The following NPSR1 variants were observed in gnomAD, a reference collection of about 807,000 sequenced individuals.
The protein encoded by NPSR1 is neuropeptide S receptor.
Under a neutral mutation model 46.9 loss-of-function variants are expected in NPSR1, and 48 were observed. The ratio of observed to expected loss-of-function variants is 1.02; its 90% CI spans 0.81 to 1.30. The LOEUF (loss-of-function observed/expected upper bound fraction) is 1.30. Ranked by LOEUF, NPSR1 falls within the 50% of genes most tolerant of loss-of-function variation. The pLI is 0.00. For missense variants in NPSR1, 450 were observed against 449.5 expected (o/e 1.00, Z -0.01); for synonymous variants, 176 against 168.1 (o/e 1.05, Z -0.36).
chr7:34,755,042 CA>C (rs1352555748), intron 2 of NPSR1, among the ~76,000 whole-genome samples: 2 of 152,092 alleles, frequency 1.3e-5, no homozygotes, highest in African/African-American at 4.8e-5. Context: ...ATGATTATTT[CA>C]GTGGTTTTTA....
At chr7:34,798,397 T>C (rs1169826415) in intron 3 of NPSR1, among the ~76,000 whole-genome samples, 1 of 152,012 alleles carries the variant, frequency 6.6e-6, no homozygotes, top group African/African-American at 2.4e-5. Context: ...AGGCCAGATG[T>C]GGTGGCACGC....
chr7:34,764,832 G>A (rs1786354819), intron 2 of NPSR1, among the ~76,000 whole-genome samples: 2 of 152,248 alleles, frequency 1.3e-5, no homozygotes, highest in South Asian at 4.2e-4. Flanking sequence ...TTCATGGGGA[G>A]GAGGAATTGG....
intron 3 of NPSR1, among the ~76,000 whole-genome samples, chr7:34,803,812 G>A (rs1315630880): frequency 2.0e-5 from 3 of 149,566 alleles, no homozygotes; most frequent in South Asian, 2.1e-4. Flanking sequence ...ATGAAAGAGG[G>A]GTCATCACTA....
intron 3 of NPSR1, among the ~76,000 whole-genome samples, chr7:34,784,842 C>T (rs917957897): frequency 1.3e-5 from 2 of 152,084 alleles, no homozygotes; most frequent in Non-Finnish European, 2.9e-5. Context: ...TACCATCTCA[C>T]ACCAGTTAGA....
chr7:34,847,324 A>C (rs181518414), intron 7 of NPSR1, among the ~76,000 whole-genome samples: 2 of 152,188 alleles, frequency 1.3e-5, no homozygotes, highest in Admixed American at 1.3e-4. Context: ...ATGGTGAGAA[A>C]ATGAGAGATG....
rs377675594 is a variant in NPSR1 at position 34,849,611 on chromosome 7, G to A, written c.1072G>A (p.Glu358Lys). ...CAGAATGACGTTCCGGGAGAGAACT[G>A]AGAGGCATGAGATGCAGATTCTGTC... ...DSRMTFRERT[E>K]RHEMQILSKP... The change falls in exon 9 of 9, where the codon GAG becomes AAG. Residue 358 changes from glutamate (E) to lysine (K), a missense_variant. By Grantham distance (56) the Glu-to-Lys change is moderately conservative. Coordinates refer to ENST00000360581, the MANE Select transcript of NPSR1 (RefSeq NM_207172.2). 7 of 1,614,118 alleles carry A rather than the reference G, an allele frequency of 4.3e-6. No individual in the cohort carries two copies. The highest frequency in any genetic ancestry group is 2.2e-5 in the East Asian group (1 of 44,884).
intron 2 of NPSR1, among the ~76,000 whole-genome samples, chr7:34,709,506 A>G (rs2128701274): frequency 6.6e-6 from 1 of 152,234 alleles, no homozygotes; most frequent in African/African-American, 2.4e-5. Flanking sequence ...TCTTTCTTCA[A>G]ATGTCAGTTT....
At chr7:34,683,493 T>A (rs1210340406) in intron 1 of NPSR1, among the ~76,000 whole-genome samples, 2 of 151,996 alleles carry the variant, frequency 1.3e-5, no homozygotes, top group African/African-American at 4.8e-5. Context: ...ATTCATAGCA[T>A]TCTCGCTTTT....
At chr7:34,706,418 T>C (rs887788816) in intron 2 of NPSR1, among the ~76,000 whole-genome samples, 1 of 152,190 alleles carries the variant, frequency 6.6e-6, no homozygotes, top group African/African-American at 2.4e-5. Flanking sequence ...TTAAATATCT[T>C]GGTCCTATTC....
chr7:34,739,656 C>A (rs1352545964), intron 2 of NPSR1, among the ~76,000 whole-genome samples: 2 of 152,196 alleles, frequency 1.3e-5, no homozygotes, highest in South Asian at 4.1e-4. Flanking sequence ...GAGAGCTGAG[C>A]TCTAGTGATT....
At chr7:34,678,927 G>C (rs1000818963) in intron 1 of NPSR1, among the ~76,000 whole-genome samples, 9 of 152,010 alleles carry the variant, frequency 5.9e-5, no homozygotes, top group African/African-American at 1.9e-4. Flanking sequence ...TGTTATACTA[G>C]AATATGCTAA....
intron 2 of NPSR1, among the ~76,000 whole-genome samples, chr7:34,710,201 A>AGTATT (rs1359185416): frequency 3.3e-5 from 5 of 152,208 alleles, no homozygotes; most frequent in African/African-American, 1.2e-4. Flanking sequence ...TATATTAGAA[A>AGTATT]GGCCACCTTC....
chr7:34,666,853 T>G (rs1791776972), intron 1 of NPSR1, among the ~76,000 whole-genome samples: 1 of 152,172 alleles, frequency 6.6e-6, no homozygotes, highest in African/African-American at 2.4e-5. Context: ...AATAGATTCT[T>G]ATAAAAACTG....
intron 1 of NPSR1, among the ~76,000 whole-genome samples, chr7:34,682,932 T>C (rs1177832659): frequency 6.6e-6 from 1 of 152,074 alleles, no homozygotes; most frequent in Admixed American, 6.6e-5. Context: ...GGACACGATA[T>C]ATCTGCAGAG....
At chr7:34,799,705 T>C (rs369670290) in intron 3 of NPSR1, among the ~76,000 whole-genome samples, 14 of 138,704 alleles carry the variant, frequency 1.0e-4, no homozygotes, top group African/African-American at 1.9e-4. Context: ...GGATCAAATT[T>C]ACACATAACA....
intron 2 of NPSR1, among the ~76,000 whole-genome samples, chr7:34,701,722 G>C (rs572649453): frequency 5.3e-5 from 8 of 152,136 alleles, no homozygotes; most frequent in Non-Finnish European, 1.0e-4. Context: ...ACTAAATTCA[G>C]AGACATTATA....
chr7:34,837,737 C>T (rs1790422965), intron 6 of NPSR1, among the ~76,000 whole-genome samples: 1 of 152,174 alleles, frequency 6.6e-6, no homozygotes, highest in African/African-American at 2.4e-5. Context: ...ATCGAATGCA[C>T]ACATAAAGAC....
chr7:34,741,589 T>C (rs1784943465), intron 2 of NPSR1, among the ~76,000 whole-genome samples: 1 of 152,086 alleles, frequency 6.6e-6, no homozygotes, highest in Non-Finnish European at 1.5e-5. Context: ...CTAAGTTAGG[T>C]AAAACAAAGG....
At chr7:34,782,939 ATTT>A (rs1160699139) in intron 3 of NPSR1, among the ~76,000 whole-genome samples, 1 of 152,198 alleles carries the variant, frequency 6.6e-6, no homozygotes, top group African/African-American at 2.4e-5. Flanking sequence ...GACTGAAATT[ATTT>A]TTTAATTAAA....
Sources: allele counts gnomAD v4.1 joint callset (sites outside exome capture counted in the v4.1 genomes callset), GRCh38; gene constraint gnomAD v4.1.1; transcripts MANE v1.5; gene names NCBI Gene and HGNC (gene_info 2026-07-23, HGNC 2026-07-21).